ANO8: variants seen among roughly 807,000 people sequenced by gnomAD.
ANO8 encodes anoctamin-8.
Under a neutral mutation model 120.4 loss-of-function variants are expected in ANO8, and 67 were observed. That is an observed-to-expected ratio of 0.56 (90% confidence interval 0.46 to 0.68). The LOEUF is 0.68. ANO8 is among the 30% of genes least tolerant of loss of function. The pLI, the probability that ANO8 is intolerant of heterozygous loss-of-function variation, is 0.00. For missense variants in ANO8, 1,526 were observed against 1,737.6 expected (o/e 0.88, Z 2.16); for synonymous variants, 727 against 759.2 (o/e 0.96, Z 0.70).
chr19:17,331,096 C>A lies in ANO8; in HGVS notation c.823G>T (p.Ala275Ser). ...GGGTCCCTGCCCAGTACCTGATCAG[C>A]CTCTGTGAATGTGTACAGGACAGAC... ...FGSVLYTFTE[A>S]DQTSRDVSCV... Residue 275 changes from alanine to serine, a missense_variant, in exon 7 of 18, where the codon GCT (alanine) becomes TCT (serine). Physicochemically the swap from Ala to Ser is moderately conservative, Grantham distance 99. Transcript: ENST00000159087. The A allele has an allele frequency of 6.2e-7, 1 of 1,614,184 alleles. No homozygotes were observed. The highest frequency in any genetic ancestry group is 8.5e-7 in the Non-Finnish European group (1 of 1,180,016).
chr19:17,328,669 C>CA lies in ANO8; in HGVS notation c.1718_1719insT (p.Glu573AspfsTer49). The CA allele has an allele frequency of 7.0e-7, 1 of 1,424,706 alleles. No homozygotes were observed. The highest frequency in any genetic ancestry group is 1.4e-5 in the South Asian group (1 of 70,624). The allele number at this position is 1,424,706 out of a possible 1,614,324, so 88.3% of individuals were successfully genotyped here. On this transcript the variant is annotated frameshift_variant, in exon 13 of 18. Transcript: ENST00000159087. LOFTEE classifies it high-confidence loss of function. ...CCTTGCCCCCTGGAGGCCCGTCCCC[C>CA]TCCTCCCCGCCTTCCCCCGCCCGCC...
At position 17,330,912 on chromosome 19, in the gene ANO8, C is replaced by T. The variant is rs1362808189; in HGVS notation, c.909G>A (p.Lys303=). Residue 303 remains lysine, a synonymous_variant, in exon 8 of 18, where the codon AAG becomes AAA. Coordinates refer to ENST00000159087, the MANE Select transcript of ANO8 (RefSeq NM_020959.3). ...IWSTLFLEEW[K]RRGAELAYKW... is the part of the protein sequence containing the mutation. ...TATATGCCAGCTCAGCCCCTCTCCGCTTCCATTCCTCTAGGAACAGCGTCG... is the reference window on the plus strand; with the variant it reads ...TATATGCCAGCTCAGCCCCTCTCCGTTTCCATTCCTCTAGGAACAGCGTCG... 1.9e-6 allele frequency: 3 copies of T among 1,614,196 alleles called. No homozygotes were observed. The highest frequency in any genetic ancestry group is 1.7e-6 in the Non-Finnish European group (2 of 1,180,032).
chr19:17,331,441 G>A (rs1211347284), intron 5 of ANO8, 30 bp from the exon 6 acceptor site: 35 of 1,593,530 alleles, frequency 2.2e-5, no homozygotes, highest in East Asian at 4.5e-5. Flanking sequence ...GGTGATCCCC[G>A]CCCCTCCACC....
intron 5 of ANO8, among the ~76,000 whole-genome samples, chr19:17,331,691 G>C (rs533355225): frequency 6.0e-5 from 9 of 151,048 alleles, no homozygotes; most frequent in South Asian, 2.1e-4. Flanking sequence ...CTGTCGCCCA[G>C]GCTGGAGTGC....
In ANO8 at chr19:17,327,526, C is replaced by T; in HGVS notation, c.2462G>A (p.Cys821Tyr). 8.1e-6 allele frequency: 13 copies of T among 1,613,480 alleles called. No homozygotes were observed. The highest frequency in any genetic ancestry group is 1.1e-5 in the Non-Finnish European group (13 of 1,179,900). ...AMGVLAIVVN[C>Y]YLIGQCGQLQ... ...CTGCCCGCACTGGCCGATTAAGTAG[C>T]AGTTGACCACAATCGCTAGGACACC... The change falls in exon 15 of 18, where the codon TGC (cysteine) becomes TAC (tyrosine). Residue 821 changes from cysteine to tyrosine, a missense_variant. By Grantham distance (194) the Cys-to-Tyr change is radical. This residue lies in a region of ANO8 where 77 missense variants were observed against 131.5 expected (regional missense o/e 0.59). Coordinates refer to ENST00000159087, the MANE Select transcript of ANO8 (RefSeq NM_020959.3).
chr19:17,325,261 C>T lies in ANO8; in HGVS notation c.2787G>A (p.Glu929=). ...RREHDSGGRE[E]ARAEGSGLDP... Reference sequence around the variant, plus strand: ...CCAGCCCAGAGCCCTCGGCCCTCGCCTCCTCTCGGCCACCAGAATCATGCT... The same window carrying T: ...CCAGCCCAGAGCCCTCGGCCCTCGCTTCCTCTCGGCCACCAGAATCATGCT... The change falls in exon 17 of 18, where the codon GAG becomes GAA. Residue 929 remains glutamate (E), a synonymous_variant. Coordinates refer to ENST00000159087, the MANE Select transcript of ANO8 (RefSeq NM_020959.3). 6.2e-7 allele frequency: 1 copy of T among 1,608,656 alleles called. No homozygotes were observed. Among genetic ancestry groups the T allele is most frequent in the Non-Finnish European group, 8.5e-7 (1 of 1,179,828 alleles).
chr19:17,330,835 T>A lies in ANO8; in HGVS notation c.986A>T (p.Gln329Leu). 2 of 1,613,866 alleles carry A rather than the reference T, an allele frequency of 1.2e-6. No individual in the cohort carries two copies. The highest frequency in any genetic ancestry group is 1.7e-6 in the Non-Finnish European group (2 of 1,179,856). The change falls in exon 8 of 18, where the codon CAG becomes CTG. Residue 329 changes from glutamine to leucine, a missense_variant. This residue lies in a region of ANO8 where 322 missense variants were observed against 431.8 expected (regional missense o/e 0.75). Coordinates refer to ENST00000159087, the MANE Select transcript of ANO8 (RefSeq NM_020959.3). ...PGEAVEEPRPQFRGVRRISPI... is the reference protein window; with the variant it reads ...PGEAVEEPRPLFRGVRRISPI... ...ACTCAGCCCCCAACTGACCCTGAAC[T>A]GGGGGCGTGGCTCCTCCACGGCTTC... is the stretch of plus-strand genomic sequence containing the variant.
chr19:17,328,029 C>A, intron 13 of ANO8, 133 bp downstream of exon 13: 1 of 1,360,932 alleles, frequency 7.3e-7, no homozygotes, highest in Non-Finnish European at 9.9e-7. Context: ...CTGGCTAGGC[C>A]TTCCTCTCCT....
chr19:17,325,398 G>A lies in ANO8; in HGVS notation c.2662-12C>T. 1 of 1,566,776 alleles carries A rather than the reference G, an allele frequency of 6.4e-7. No individual in the cohort carries two copies. The highest frequency in any genetic ancestry group is 1.3e-5 in the African/African-American group (1 of 74,432). Reference sequence around the variant, plus strand: ...TGGCGCTCGTGTCTCTGCAGGTAGAGCCAAGCCGTTACAGGACTAAGAAGA... The same window carrying A: ...TGGCGCTCGTGTCTCTGCAGGTAGAACCAAGCCGTTACAGGACTAAGAAGA... On this transcript the variant is annotated splice_polypyrimidine_tract_variant and intron_variant, in intron 16 of 17. Coordinates refer to ENST00000159087, the MANE Select transcript of ANO8 (RefSeq NM_020959.3).
Position 17,333,050 on chromosome 19 carries a change from C to G in ANO8, c.490-24G>C, listed in dbSNP as rs778333922. The G allele has an allele frequency of 1.5e-5, 24 of 1,613,942 alleles. No homozygotes were observed. The highest frequency in any genetic ancestry group is 1.6e-4 in the Middle Eastern group (1 of 6,084). On this transcript the variant is annotated intron_variant, in intron 4 of 17. Coordinates refer to ENST00000159087, the MANE Select transcript of ANO8 (RefSeq NM_020959.3). The surrounding 1 kb of genome is among the most constrained non-coding windows in gnomAD (Gnocchi z 7.2). ...TCCTGCGAGGAAGAGGGCGTGAGCT[C>G]AGGGAACTCATAGGCACAGGATGCA...
In ANO8 at chr19:17,334,801, G is replaced by T. The variant is rs1386655082; in HGVS notation, c.-131C>A. On this transcript the variant is annotated 5_prime_UTR_variant, in exon 1 of 18. Coordinates refer to ENST00000159087, the MANE Select transcript of ANO8 (RefSeq NM_020959.3). ...GCCGCGCCCGCCCGCGCCGGCCTCG[G>T]TCCTCGCTCGCCCGAGCGCTGCTTC... 7 of 1,195,860 alleles carry T rather than the reference G, an allele frequency of 5.9e-6. No individual in the cohort carries two copies. In the African/African-American group the frequency reaches 1.1e-4, roughly 19 times the overall value. 74.1% of individuals were successfully genotyped at this position (1,195,860 alleles called of 1,614,324 possible). A position where few individuals can be genotyped will look rare whatever the true frequency, so the allele number is the denominator to read the frequency against.
In ANO8 at chr19:17,331,170, G is replaced by C; in HGVS notation, c.749C>G (p.Ala250Gly). The C allele has an allele frequency of 6.2e-7, 1 of 1,614,184 alleles. No individual in the cohort carries two copies. The highest frequency in any genetic ancestry group is 8.5e-7 in the Non-Finnish European group (1 of 1,180,034). ...YFGVKIAMYF[A>G]WLGFYTSAMV... ...AGCCGACGTGTAGAAGCCCAGCCAG[G>C]CGAAGTACATGGCAATTTTCACACC... The change falls in exon 7 of 18, where the codon GCC (alanine) becomes GGC (glycine). Residue 250 changes from alanine (A) to glycine (G), a missense_variant. Around this residue, in one of 8 missense-constraint regions of ANO8, gnomAD observed 322 missense variants for 431.8 expected, o/e 0.75. Transcript: ENST00000159087.
In ANO8 at chr19:17,324,714, G is replaced by A. The variant is rs1228810306; in HGVS notation, c.3331+3C>T. The A allele has an allele frequency of 6.6e-7, 1 of 1,521,254 alleles. No homozygotes were observed. Among genetic ancestry groups the A allele is most frequent in the African/African-American group, 1.4e-5 (1 of 71,726 alleles). 94.2% of individuals were successfully genotyped at this position (1,521,254 alleles called of 1,614,324 possible). ...TCCCCACCCCCGAGTTAAAGCTTGTGACCTGAGCCTTCCTCTTCGGGCCGG... is the reference window on the plus strand; with the variant it reads ...TCCCCACCCCCGAGTTAAAGCTTGTAACCTGAGCCTTCCTCTTCGGGCCGG... On this transcript the variant is annotated splice_donor_region_variant and intron_variant, in intron 17 of 17. Transcript: ENST00000159087.
At chr19:17,325,523 C>G (rs2074268830) in intron 16 of ANO8, 137 bp from the exon 17 acceptor site, 5 of 1,284,354 alleles carry the variant, frequency 3.9e-6, no homozygotes, top group Non-Finnish European at 5.2e-6. Context: ...TGTATCCCTG[C>G]ACCCACAATG....
At position 17,330,910 on chromosome 19, in the gene ANO8, C is replaced by G. The variant is rs368368418; in HGVS notation, c.911G>C (p.Arg304Pro). The G allele has an allele frequency of 1.2e-6, 2 of 1,614,068 alleles. No individual in the cohort carries two copies. The highest frequency in any genetic ancestry group is 3.3e-5 in the Admixed American group (2 of 60,006). The change falls in exon 8 of 18, where the codon CGG becomes CCG. Residue 304 changes from arginine to proline, a missense_variant. By Grantham distance (103) the Arg-to-Pro change is moderately radical. This residue lies in a region of ANO8 where 322 missense variants were observed against 431.8 expected (regional missense o/e 0.75). Coordinates refer to ENST00000159087, the MANE Select transcript of ANO8 (RefSeq NM_020959.3). ...CTTATATGCCAGCTCAGCCCCTCTC[C>G]GCTTCCATTCCTCTAGGAACAGCGT... is the stretch of plus-strand genomic sequence containing the variant. ...WSTLFLEEWK[R>P]RGAELAYKWG...
intron 16 of ANO8, among the ~76,000 whole-genome samples, 189 bp from the exon 17 acceptor site, chr19:17,325,575 G>A (rs1290199197): frequency 6.6e-6 from 1 of 152,230 alleles, no homozygotes; most frequent in Non-Finnish European, 1.5e-5. Context: ...TCACTTATTG[G>A]GTGCAAACGG....
chr19:17,328,487 T>A lies in ANO8; in HGVS notation c.1901A>T (p.Glu634Val), dbSNP rs1036746006. 1.3e-6 allele frequency: 2 copies of A among 1,561,740 alleles called. No individual in the cohort carries two copies. The highest frequency in any genetic ancestry group is 8.6e-7 in the Non-Finnish European group (1 of 1,156,998). The stretch of plus-strand genomic sequence containing the variant: ...GGGGCTCCCTTCCTCCAGGAGGGCC[T>A]CCGGGCTTGGGCCGGGCCGACGCCG... ...AGRRRPGPSP[E>V]ALLEEGSPTM... The change falls in exon 13 of 18, where the codon GAG becomes GTG. Residue 634 changes from glutamate (E) to valine (V), a missense_variant. By Grantham distance (121) the Glu-to-Val change is moderately radical. Around this residue, in one of 8 missense-constraint regions of ANO8, gnomAD observed 467 missense variants for 425.8 expected, o/e 1.10. Transcript: ENST00000159087.
intron 9 of ANO8, 33 bp from the exon 10 acceptor site, chr19:17,330,284 G>A: frequency 1.2e-6 from 2 of 1,613,672 alleles, no homozygotes; most frequent in East Asian, 4.5e-5. Flanking sequence ...GCTCATCCCA[G>A]CTGCAGGGCT....
At chr19:17,332,785 A>G in intron 5 of ANO8, 145 bp downstream of exon 5, 1 of 829,264 alleles carries the variant, frequency 1.2e-6, no homozygotes, top group Non-Finnish European at 1.9e-6. Context: ...CTAAGGCCAC[A>G]CCCCTTTAGC....
Sources: gnomAD v4.1 joint callset for allele counts (sites outside exome capture counted in the v4.1 genomes callset) on GRCh38, gnomAD v4.1.1 for gene constraint, gnomAD v4.1.1 regional missense constraint, Gnocchi (gnomAD v3.1) non-coding constraint, MANE v1.5 for transcripts, NCBI Gene and HGNC (gene_info 2026-07-23, HGNC 2026-07-21) for gene names.